Variants in RASGRP3 observed in about 807,000 individuals in gnomAD.
RASGRP3 encodes RAS guanyl releasing protein 3.
In RASGRP3, 54 loss-of-function variants were observed where a neutral mutation model predicts 82.7. The ratio of observed to expected loss-of-function variants is 0.65; its 90% confidence interval spans 0.52 to 0.82. The LOEUF is 0.82. RASGRP3 is among the 40% of genes least tolerant of loss of function. The probability of loss-of-function intolerance (pLI) is 0.00; values close to 1 mark genes in which losing one functional copy is unlikely to be tolerated. For synonymous variants in RASGRP3, 309 were observed against 300.5 expected (o/e 1.03, Z -0.29); for missense variants, 861 against 828.9 (o/e 1.04, Z -0.48).
intron 2 of RASGRP3, among the ~76,000 whole-genome samples, chr2:33,513,323 T>C (rs1671118456): frequency 6.6e-6 from 1 of 152,230 alleles, no homozygotes. Context: ...ACTCCAGTGG[T>C]CTCACTGAAC....
At chr2:33,527,455 C>T (rs1484737873) in intron 10 of RASGRP3, 43 bp downstream of exon 10, 15 of 1,553,502 alleles carry the variant, frequency 9.7e-6, no homozygotes, top group Non-Finnish European at 1.2e-5. Flanking sequence ...AATTCTTCTG[C>T]ACCTTTCTTT....
chr2:33,464,121 T>C (rs1388046762), intron 2 of RASGRP3, among the ~76,000 whole-genome samples: 1 of 147,538 alleles, frequency 6.8e-6, no homozygotes, highest in East Asian at 2.0e-4. Context: ...ATTATTATTA[T>C]TATTATTATT....
At chr2:33,515,493 G>C (rs924977690) in intron 3 of RASGRP3, among the ~76,000 whole-genome samples, 1 of 152,026 alleles carries the variant, frequency 6.6e-6, no homozygotes, top group Non-Finnish European at 1.5e-5. Context: ...CTGAAATTCT[G>C]CTTCAGGGCC....
intron 1 of RASGRP3, among the ~76,000 whole-genome samples, chr2:33,447,187 G>T (rs1665547269): frequency 6.6e-6 from 1 of 152,064 alleles, no homozygotes; most frequent in African/African-American, 2.4e-5. Flanking sequence ...AGAAATCTGG[G>T]TTGAGTGGTC....
chr2:33,557,287 C>T (rs575019284), intron 15 of RASGRP3, among the ~76,000 whole-genome samples: 73 of 152,350 alleles, frequency 4.8e-4, no homozygotes, highest in African/African-American at 1.7e-3. Flanking sequence ...GACTCTGCTG[C>T]ACGCTGTTTC....
chr2:33,478,599 C>T (rs1425126309), intron 1 of RASGRP3, among the ~76,000 whole-genome samples: 1 of 152,156 alleles, frequency 6.6e-6, no homozygotes, highest in Admixed American at 6.5e-5. Context: ...AAACCCATGC[C>T]TTTTCAAAAT....
chr2:33,451,167 C>T (rs546861438), intron 2 of RASGRP3, among the ~76,000 whole-genome samples: 1 of 151,994 alleles, frequency 6.6e-6, no homozygotes, highest in South Asian at 2.1e-4. Flanking sequence ...CCCAGCTGAG[C>T]ATTTTTTCAT....
At chr2:33,539,270 G>T (rs1490575884) in intron 12 of RASGRP3, 60 bp downstream of exon 12, 2 of 1,329,636 alleles carry the variant, frequency 1.5e-6, no homozygotes, top group Admixed American at 2.0e-5. Flanking sequence ...TTTCCAGAAT[G>T]TTCTGCGATT....
At chr2:33,548,747 C>T (rs759151311) in intron 13 of RASGRP3, among the ~76,000 whole-genome samples, 5 of 152,088 alleles carry the variant, frequency 3.3e-5, no homozygotes, top group Non-Finnish European at 5.9e-5. Flanking sequence ...CACTCTGTTG[C>T]CCAGGCTGGA....
intron 2 of RASGRP3, among the ~76,000 whole-genome samples, chr2:33,513,335 A>G (rs1334070969): frequency 1.3e-5 from 2 of 152,218 alleles, no homozygotes; most frequent in African/African-American, 4.8e-5. Flanking sequence ...TCACTGAACT[A>G]ATACAACCAT....
rs368709707 is a variant in RASGRP3, at chr2:33,453,329, T to G, written c.-261+5386T>G. ...GGGTTTTTGATCTCAACTGGGATTC[T>G]TTAGTTCTTGAGAAGGTACATTCAT... is the stretch of plus-strand genomic sequence containing the variant. On this transcript the variant is annotated intron_variant, in intron 2 of 18. Coordinates refer to the RASGRP3 transcript ENST00000402538. 1.7e-4 allele frequency among the ~76,000 whole-genome samples: 26 copies of G among 152,330 alleles called. No individual in the cohort carries two copies. In the South Asian group the frequency reaches 5.4e-3, roughly 32 times the overall value.
intron 13 of RASGRP3, among the ~76,000 whole-genome samples, chr2:33,547,221 C>T (rs1450608262): frequency 6.6e-6 from 1 of 151,610 alleles, no homozygotes; most frequent in Admixed American, 6.6e-5. Context: ...CTCAAGAACA[C>T]AAAGAAGGGA....
intron 1 of RASGRP3, among the ~76,000 whole-genome samples, chr2:33,480,121 C>T (rs577892223): frequency 1.2e-4 from 18 of 148,722 alleles, no homozygotes; most frequent in Admixed American, 1.2e-3. Flanking sequence ...CGGCTCACTG[C>T]AAGCTCCGCC....
chr2:33,448,155 C>G (rs150692897), intron 2 of RASGRP3, among the ~76,000 whole-genome samples: 1 of 152,172 alleles, frequency 6.6e-6, no homozygotes, highest in Non-Finnish European at 1.5e-5. Flanking sequence ...AATGCTATAA[C>G]ATTTATATAC....
intron 2 of RASGRP3, among the ~76,000 whole-genome samples, chr2:33,454,213 C>A (rs1229114147): frequency 6.6e-6 from 1 of 151,988 alleles, no homozygotes; most frequent in Non-Finnish European, 1.5e-5. Flanking sequence ...TCACTGTCTT[C>A]TTCTTCTACT....
chr2:33,535,711 C>T (rs1287227981), intron 11 of RASGRP3, among the ~76,000 whole-genome samples: 1 of 152,148 alleles, frequency 6.6e-6, no homozygotes, highest in African/African-American at 2.4e-5. Context: ...AACAGAGCCA[C>T]GTGGGATGAT....
chr2:33,544,187 G>T (rs1360017769), intron 13 of RASGRP3, among the ~76,000 whole-genome samples: 1 of 152,104 alleles, frequency 6.6e-6, no homozygotes, highest in African/African-American at 2.4e-5. Flanking sequence ...GGTGGCACAG[G>T]CCTGTAATCC....
chr2:33,520,648 A>G lies in RASGRP3; in HGVS notation c.332A>G (p.Tyr111Cys), dbSNP rs891692430. The G allele has an allele frequency of 6.8e-6, 11 of 1,613,906 alleles. No individual in the cohort carries two copies. The highest frequency in any genetic ancestry group is 9.3e-6 in the Non-Finnish European group (11 of 1,179,880). Residue 111 changes from tyrosine (Y) to cysteine (C), a missense_variant, in exon 6 of 18, where the codon TAT becomes TGT. Transcript: ENST00000403687. ...CGGGAAGTAGCTAGTCAACTAGGAT[A>G]TGAAAAACACGTCAGCCTCATCGAC... ...EFREVASQLG[Y>C]EKHVSLIDIS...
At chr2:33,513,915 T>C (rs1176786564) in intron 2 of RASGRP3, 1 of 152,122 alleles carries the variant, frequency 6.6e-6, no homozygotes, top group African/African-American at 2.4e-5. Flanking sequence ...ACTATGATGG[T>C]TTGTGATATC....
Sources: gnomAD v4.1 joint callset for allele counts (sites outside exome capture counted in the v4.1 genomes callset) on GRCh38, gnomAD v4.1.1 for gene constraint, MANE v1.5 for transcripts, NCBI Gene and HGNC (gene_info 2026-07-23, HGNC 2026-07-21) for gene names.